The following GABRG3 variants were observed in gnomAD, a reference collection of about 807,000 sequenced individuals.
The protein encoded by GABRG3 is gamma-aminobutyric acid type A receptor subunit gamma3.
GABRG3 carries 25 observed loss-of-function variants against 48.8 expected under a neutral mutation model. That is an observed-to-expected ratio of 0.51 (90% CI 0.37 to 0.72). The LOEUF is 0.72. Ranked by LOEUF, GABRG3 falls within the 30% of genes least tolerant of loss-of-function variation. GABRG3 has a pLI of 0.00. For missense variants in GABRG3, 394 were observed against 577.9 expected, an observed-to-expected ratio of 0.68 and a Z score of 3.26; for synonymous variants, 227 against 217.6, an observed-to-expected ratio of 1.04 and a Z score of -0.38.
chr15:27,256,776 T>C (rs1479154333), intron 3 of GABRG3, among the ~76,000 whole-genome samples: 1 of 152,154 alleles, frequency 6.6e-6, no homozygotes, highest in African/African-American at 2.4e-5. Flanking sequence ...AAAGACCCCT[T>C]AAACAAAAAT....
Position 27,496,936 on chromosome 15 carries a change from TG to T in GABRG3, c.712+16150del, listed in dbSNP as rs147033892. 3.6e-3 allele frequency among the ~76,000 whole-genome samples: 555 copies of T among 152,320 alleles called. 4 individuals are homozygous for T. The highest frequency in any genetic ancestry group is 0.013 in the African/African-American group (534 of 41,570). The stretch of plus-strand genomic sequence containing the variant: ...ACAAAATATCCTTGTCTGATGATGA[TG>T]TTCTGTGAAAATTTTATGCTCAAAA... On this transcript the variant is annotated intron_variant, in intron 6 of 9. Transcript: ENST00000615808.
chr15:27,462,807 C>A (rs996050319), intron 5 of GABRG3, among the ~76,000 whole-genome samples: 5 of 151,956 alleles, frequency 3.3e-5, no homozygotes, highest in Non-Finnish European at 7.4e-5. Flanking sequence ...AGAAAGATGA[C>A]AATAATGCAA....
chr15:27,351,395 T>C (rs1208275301), intron 5 of GABRG3, among the ~76,000 whole-genome samples: 1 of 147,674 alleles, frequency 6.8e-6, no homozygotes, highest in African/African-American at 2.5e-5. Context: ...GTGTATGGTA[T>C]ATGTGTGTAT....
At chr15:27,504,693 CT>C (rs150212480) in intron 6 of GABRG3, among the ~76,000 whole-genome samples, 1 of 115,986 alleles carries the variant, frequency 8.6e-6, no homozygotes, top group Non-Finnish European at 1.6e-5. Context: ...CATTTGGTGT[CT>C]TTTTTTTTCT....
At chr15:27,235,414 T>C (rs1017475212) in intron 3 of GABRG3, among the ~76,000 whole-genome samples, 2 of 152,176 alleles carry the variant, frequency 1.3e-5, no homozygotes, top group Non-Finnish European at 2.9e-5. Context: ...AGTGACTCCA[T>C]CATTTGCTCC....
At chr15:27,361,162 G>A (rs949708808) in intron 5 of GABRG3, among the ~76,000 whole-genome samples, 1 of 152,216 alleles carries the variant, frequency 6.6e-6, no homozygotes, top group Non-Finnish European at 1.5e-5. Context: ...AGAGAGCAGG[G>A]TACTTCTTAG....
intron 5 of GABRG3, among the ~76,000 whole-genome samples, chr15:27,396,974 GT>G (rs1887318550): frequency 6.6e-6 from 1 of 152,166 alleles, no homozygotes; most frequent in South Asian, 2.1e-4. Context: ...CAATGAAGAG[GT>G]AGCATGGGAA....
intron 5 of GABRG3, among the ~76,000 whole-genome samples, chr15:27,369,186 C>T (rs1264926215): frequency 4.6e-5 from 7 of 152,170 alleles, no homozygotes; most frequent in Non-Finnish European, 8.8e-5. Flanking sequence ...GCATCAGTAG[C>T]TTTATACCAT....
chr15:27,242,667 G>T (rs376171494), intron 3 of GABRG3, among the ~76,000 whole-genome samples: 2 of 152,196 alleles, frequency 1.3e-5, no homozygotes, highest in Non-Finnish European at 2.9e-5. Flanking sequence ...CTGAGAGTAG[G>T]TATGTGTTAA....
At chr15:27,190,168 G>A (rs983700554) in intron 3 of GABRG3, among the ~76,000 whole-genome samples, 2 of 152,178 alleles carry the variant, frequency 1.3e-5, no homozygotes, top group African/African-American at 4.8e-5. Flanking sequence ...GTTCATCAAG[G>A]ATACTGGTCT....
At chr15:27,201,110 T>G (rs1888666412) in intron 3 of GABRG3, among the ~76,000 whole-genome samples, 1 of 152,110 alleles carries the variant, frequency 6.6e-6, no homozygotes, top group Non-Finnish European at 1.5e-5. Flanking sequence ...TGGATAATGG[T>G]GTCTGCTTTG....
At chr15:27,503,855 T>G (rs1271321743) in intron 6 of GABRG3, among the ~76,000 whole-genome samples, 1 of 152,210 alleles carries the variant, frequency 6.6e-6, no homozygotes, top group East Asian at 1.9e-4. Flanking sequence ...GGAAGCTCTA[T>G]TATTAGGTGC....
rs1566769863 is a variant in GABRG3, at chr15:27,307,024, ATAAAC to A, written c.271-19784_271-19780del. Among the ~76,000 whole-genome samples, 49 of 123,168 alleles carry A rather than the reference ATAAAC, an allele frequency of 4.0e-4. 2 individuals carry two copies. The highest frequency in any genetic ancestry group is 1.6e-3 in the African/African-American group (45 of 28,968). The allele number at this position is 123,168 out of a possible 152,430, so 80.8% of individuals were successfully genotyped here. On this transcript the variant is annotated intron_variant, in intron 3 of 9. Coordinates refer to ENST00000615808, the MANE Select transcript of GABRG3 (RefSeq NM_033223.5). ...TAAACATGTATAAACATGTTTATAT[ATAAAC>A]ATGTATAAAATAAACATGTTTATAT... is the stretch of plus-strand genomic sequence containing the variant.
At chr15:26,982,004 C>G (rs1895064959) in intron 2 of GABRG3, among the ~76,000 whole-genome samples, 1 of 152,128 alleles carries the variant, frequency 6.6e-6, no homozygotes, top group African/African-American at 2.4e-5. Context: ...CTCTCCTATG[C>G]AATGAAAGAG....
In GABRG3 at chr15:27,527,482, G is replaced by A. The variant is rs1891305953; in HGVS notation, c.915G>A (p.Lys305=). ...CCACCCTGAGCACCATCGCCAGGAA[G>A]TCCTTGCCACGCGTGTCCTACGTGA... ...TMTTLSTIAR[K]SLPRVSYVTA... is the part of the protein sequence containing the mutation. Residue 305 remains lysine (K), a synonymous_variant, in exon 8 of 10, where the codon AAG becomes AAA. Transcript: ENST00000615808. 6.2e-7 allele frequency: 1 copy of A among 1,614,002 alleles called. No homozygotes were observed. The highest frequency in any genetic ancestry group is 8.5e-7 in the Non-Finnish European group (1 of 1,179,902).
At chr15:27,139,125 C>G (rs1348845251) in intron 3 of GABRG3, among the ~76,000 whole-genome samples, 1 of 152,044 alleles carries the variant, frequency 6.6e-6, no homozygotes, top group African/African-American at 2.4e-5. Context: ...CTGAAAAGTC[C>G]CATGATGAGC....
chr15:27,395,785 G>A (rs1317991369), intron 5 of GABRG3, among the ~76,000 whole-genome samples: 1 of 152,144 alleles, frequency 6.6e-6, no homozygotes, highest in Non-Finnish European at 1.5e-5. Context: ...GACAAATTCT[G>A]CTTCATTTGG....
intron 3 of GABRG3, among the ~76,000 whole-genome samples, chr15:27,311,922 A>G (rs1192599705): frequency 6.6e-6 from 1 of 152,182 alleles, no homozygotes; most frequent in Non-Finnish European, 1.5e-5. Flanking sequence ...GACAACACAG[A>G]GAGTCAAGGA....
chr15:27,300,791 A>G (rs1350302407), intron 3 of GABRG3, among the ~76,000 whole-genome samples: 1 of 152,002 alleles, frequency 6.6e-6, no homozygotes, highest in East Asian at 1.9e-4. Flanking sequence ...TTTTAGAAAT[A>G]AGAAATAACT....
Sources: gnomAD v4.1 joint callset for allele counts (sites outside exome capture counted in the v4.1 genomes callset) on GRCh38, gnomAD v4.1.1 for gene constraint, MANE v1.5 for transcripts, NCBI Gene and HGNC (gene_info 2026-07-23, HGNC 2026-07-21) for gene names.